CYFIP1: variants seen among roughly 807,000 people sequenced by gnomAD.
CYFIP1 encodes the protein cytoplasmic FMR1-interacting protein 1.
Under a neutral mutation model 163.5 loss-of-function variants are expected in CYFIP1, and 58 were observed. The observed-to-expected ratio is 0.35, with a 90% confidence interval of 0.29 to 0.44. CYFIP1 has a LOEUF of 0.44. Ranked by LOEUF, CYFIP1 falls within the 20% of genes least tolerant of loss-of-function variation. The pLI is 1.00. For synonymous variants in CYFIP1, 663 were observed against 660.7 expected (o/e 1.00, Z -0.05); for missense variants, 1,338 against 1,653.8 (o/e 0.81, Z 3.31).
At position 22,970,189 on chromosome 15, in the gene CYFIP1, A is replaced by G. The variant is rs143052177; in HGVS notation, c.-7+10098T>C. Among the ~76,000 whole-genome samples, 68 of 152,312 alleles carry G rather than the reference A, an allele frequency of 4.5e-4. No homozygotes were observed. In the East Asian group the frequency reaches 0.011, roughly 25 times the overall value. On this transcript the variant is annotated intron_variant, in intron 1 of 30. Coordinates refer to ENST00000617928, the MANE Select transcript of CYFIP1 (RefSeq NM_014608.6). ...TGTAAATGAATTTTACTTATTCAAGATATTAGTCTCAAAATGGCTAAATAC... is the reference window on the plus strand; with the variant it reads ...TGTAAATGAATTTTACTTATTCAAGGTATTAGTCTCAAAATGGCTAAATAC...
At chr15:22,928,158 G>A (rs2142189188) in intron 11 of CYFIP1, 130 bp from the exon 12 acceptor site, 2 of 1,126,802 alleles carry the variant, frequency 1.8e-6, no homozygotes, top group Non-Finnish European at 2.4e-6. Context: ...GGCCAAGGCG[G>A]GCGGATCACA....
At position 22,947,032 on chromosome 15, in the gene CYFIP1, TG is replaced by T; in HGVS notation, c.177del (p.Tyr59Ter). On this transcript the variant is annotated frameshift_variant, in exon 3 of 31. Coordinates refer to ENST00000617928, the MANE Select transcript of CYFIP1 (RefSeq NM_014608.6). LOFTEE classifies it high-confidence loss of function. The part of the protein sequence containing the change: ...RNAFVTGIAR[Y>X]IEQATVHSSM... ...CTAGAGTGGACGGTGGCTTGTTCAA[TG>T]TATCTTGCGATGCCAGTAACAAATG... is the stretch of plus-strand genomic sequence containing the variant. The T allele has an allele frequency of 1.2e-6, 2 of 1,614,138 alleles. No homozygotes were observed. The highest frequency in any genetic ancestry group is 1.7e-6 in the Non-Finnish European group (2 of 1,179,970).
intron 1 of CYFIP1, among the ~76,000 whole-genome samples, chr15:22,965,577 A>C (rs1484419415): frequency 6.6e-6 from 1 of 152,220 alleles, no homozygotes; most frequent in Non-Finnish European, 1.5e-5. Flanking sequence ...GGTGTGTGTA[A>C]GTGCCCTTTA....
intron 23 of CYFIP1, among the ~76,000 whole-genome samples, chr15:22,888,885 A>G (rs533948130): frequency 6.6e-6 from 1 of 152,142 alleles, no homozygotes; most frequent in South Asian, 2.1e-4. Flanking sequence ...GACTAAAAAT[A>G]CAAAAATTGG....
At chr15:22,871,456 A>C (rs2059431111) in intron 30 of CYFIP1, among the ~76,000 whole-genome samples, 1 of 152,222 alleles carries the variant, frequency 6.6e-6, no homozygotes, top group South Asian at 2.1e-4. Context: ...AAGTTAACTA[A>C]GACACATGAA....
chr15:22,875,871 G>A (rs151249115), intron 26 of CYFIP1, among the ~76,000 whole-genome samples: 17 of 98,192 alleles, frequency 1.7e-4, no homozygotes, highest in East Asian at 1.4e-3. Flanking sequence ...CACAAGGTCC[G>A]TTCTCCAGAA....
intron 13 of CYFIP1, among the ~76,000 whole-genome samples, chr15:22,924,986 T>C (rs1023136124): frequency 3.9e-5 from 6 of 152,122 alleles, no homozygotes; most frequent in Non-Finnish European, 8.8e-5. Flanking sequence ...GTGGGAGGAT[T>C]GCTTGAGTCC....
intron 1 of CYFIP1, among the ~76,000 whole-genome samples, chr15:22,963,438 C>T (rs944923774): frequency 6.6e-6 from 1 of 151,612 alleles, no homozygotes; most frequent in African/African-American, 2.4e-5. Context: ...TGCAGTGAGC[C>T]AAGACTGTGC....
intron 19 of CYFIP1, 36 bp from the exon 20 acceptor site, chr15:22,910,664 C>T (rs374826402): frequency 7.3e-5 from 117 of 1,606,122 alleles, no homozygotes; most frequent in Non-Finnish European, 9.7e-5. Context: ...TTTTCATACG[C>T]CATAAATTGT....
At position 22,978,431 on chromosome 15, in the gene CYFIP1, G is replaced by C. The variant is rs7402686; in HGVS notation, c.-7+1856C>G. On this transcript the variant is annotated intron_variant, in intron 1 of 30. Coordinates refer to ENST00000617928, the MANE Select transcript of CYFIP1 (RefSeq NM_014608.6). ...AGATTGAGGGAAATCTGTGTGTACA[G>C]ACTATATATATCAACATGTAAAGAT... Among the ~76,000 whole-genome samples, 4 of 146,694 alleles carry C rather than the reference G, an allele frequency of 2.7e-5. No homozygotes were observed. The Admixed American group carries it at 2.8e-4, about 10-fold the overall frequency.
chr15:22,955,825 C>T (rs1451136177), intron 1 of CYFIP1, among the ~76,000 whole-genome samples: 3 of 152,220 alleles, frequency 2.0e-5, no homozygotes, highest in Non-Finnish European at 4.4e-5. Flanking sequence ...CTTCTCCACA[C>T]AGCAGACATC....
chr15:22,964,506 A>G (rs988560588), intron 1 of CYFIP1, among the ~76,000 whole-genome samples: 2 of 152,102 alleles, frequency 1.3e-5, no homozygotes, highest in Non-Finnish European at 2.9e-5. Flanking sequence ...GACCTCGGCC[A>G]CGGTGCCCCA....
intron 1 of CYFIP1, among the ~76,000 whole-genome samples, chr15:22,979,222 C>A (rs988290050): frequency 2.0e-5 from 3 of 152,170 alleles, no homozygotes; most frequent in Non-Finnish European, 4.4e-5. Flanking sequence ...GCCTGCAGAT[C>A]TAGACATCAC....
At chr15:22,919,849 C>T (rs528665362) in intron 13 of CYFIP1, among the ~76,000 whole-genome samples, 32 of 151,968 alleles carry the variant, frequency 2.1e-4, no homozygotes, top group Non-Finnish European at 4.4e-4. Flanking sequence ...TGGCCAGACC[C>T]CATCTCTACA....
At chr15:22,899,143 T>G (rs1284733738) in intron 22 of CYFIP1, among the ~76,000 whole-genome samples, 2 of 152,104 alleles carry the variant, frequency 1.3e-5, no homozygotes, top group African/African-American at 2.4e-5. Flanking sequence ...CAGCCAGGAT[T>G]AGCAATTCTG....
At chr15:22,877,079 A>T (rs2059607575) in intron 26 of CYFIP1, among the ~76,000 whole-genome samples, 1 of 152,182 alleles carries the variant, frequency 6.6e-6, no homozygotes, top group African/African-American at 2.4e-5. Flanking sequence ...TGTCCCTGCC[A>T]AAACTCATGG....
At chr15:22,920,795 T>G (rs988403250) in intron 13 of CYFIP1, among the ~76,000 whole-genome samples, 1 of 152,212 alleles carries the variant, frequency 6.6e-6, no homozygotes, top group Non-Finnish European at 1.5e-5. Flanking sequence ...GTTTTCAGCA[T>G]GCTTACTTTG....
intron 23 of CYFIP1, among the ~76,000 whole-genome samples, chr15:22,890,342 A>G (rs1167164708): frequency 6.6e-6 from 1 of 151,956 alleles, no homozygotes; most frequent in African/African-American, 2.4e-5. Flanking sequence ...GTCAACTTCA[A>G]TCCTTGCTAG....
chr15:22,910,363 T>C (rs1180382715), intron 20 of CYFIP1, among the ~76,000 whole-genome samples, 157 bp downstream of exon 20: 1 of 152,184 alleles, frequency 6.6e-6, no homozygotes, highest in Admixed American at 6.5e-5. Context: ...GGTTTTGCTA[T>C]GTTGGCCAGG....
Sources: gnomAD v4.1 joint callset for allele counts (sites outside exome capture counted in the v4.1 genomes callset) on GRCh38, gnomAD v4.1.1 for gene constraint, MANE v1.5 for transcripts, NCBI Gene and HGNC (gene_info 2026-07-23, HGNC 2026-07-21) for gene names.